The following ARSH variants were observed in gnomAD, a reference collection of about 807,000 sequenced individuals.
ARSH encodes the protein arylsulfatase family member H, also known as arylsulfatase H.
ARSH carries 32 observed loss-of-function variants against 28.7 expected under a neutral mutation model. That is an observed-to-expected ratio of 1.11 (90% CI 0.84 to 1.50). ARSH has a LOEUF of 1.50. Ranked by LOEUF, ARSH falls within the 40% of genes most tolerant of loss-of-function variation. The pLI is 0.00. For missense variants in ARSH, 440 were observed against 452.4 expected, an observed-to-expected ratio of 0.97 and a Z score of 0.25; for synonymous variants, 176 against 177.3, an observed-to-expected ratio of 0.99 and a Z score of 0.06.
intron 8 of ARSH, among the ~76,000 whole-genome samples, chrX:3,032,414 AAAGG>A (rs917854543): frequency 5.4e-4 from 54 of 99,339 alleles, no homozygotes; most frequent in East Asian, 1.5e-3. Flanking sequence ...GGAAGGAAGG[AAAGG>A]AAGGAAGGAA....
intron 1 of ARSH, among the ~76,000 whole-genome samples, chrX:3,008,776 G>A (rs1362234686): frequency 4.6e-5 from 5 of 108,709 alleles, no homozygotes; most frequent in Non-Finnish European, 7.6e-5. Flanking sequence ...TAGAGGTGGG[G>A]TTTTGCCATA....
intron 5 of ARSH, among the ~76,000 whole-genome samples, chrX:3,020,298 AAAAAAAAG>A (rs2089878484): frequency 2.0e-5 from 2 of 99,764 alleles, no homozygotes; most frequent in African/African-American, 7.2e-5. Flanking sequence ...AAAAAAAAAA[AAAAAAAAG>A]AGGCCGAGTG....
intron 5 of ARSH, among the ~76,000 whole-genome samples, chrX:3,022,106 A>G (rs2089886125): frequency 1.8e-5 from 2 of 111,055 alleles, no homozygotes; most frequent in African/African-American, 3.3e-5. Flanking sequence ...TAAGTGACCT[A>G]TTACCATTAG....
chrX:3,019,384 G>C (rs1262232750), intron 5 of ARSH, among the ~76,000 whole-genome samples: 3 of 111,647 alleles, frequency 2.7e-5, no homozygotes, highest in Non-Finnish European at 5.6e-5. Context: ...AATTGGGATG[G>C]GGATTTAACA....
At chrX:3,006,811 G>C (rs1173286629) in intron 1 of ARSH, 107 bp downstream of exon 1, 11 of 654,196 alleles carry the variant, frequency 1.7e-5, no homozygotes, top group Non-Finnish European at 2.3e-5. Context: ...GTCATTGTCT[G>C]ATGTTATCGG....
intron 1 of ARSH, among the ~76,000 whole-genome samples, chrX:3,008,967 C>T (rs998493552): frequency 6.3e-5 from 7 of 110,576 alleles, no homozygotes; most frequent in Non-Finnish European, 9.4e-5. Context: ...AGAACAGGCA[C>T]GTCTTTTTTT....
At chrX:3,013,977 T>G (rs949147299) in intron 3 of ARSH, among the ~76,000 whole-genome samples, 2 of 111,683 alleles carry the variant, frequency 1.8e-5, no homozygotes, top group African/African-American at 6.5e-5. Context: ...GGCTTCTGAA[T>G]AAATCTAGAT....
intron 8 of ARSH, among the ~76,000 whole-genome samples, chrX:3,032,804 A>G (rs766782248): frequency 8.9e-6 from 1 of 112,175 alleles, no homozygotes; most frequent in South Asian, 3.7e-4. Context: ...ATCTCCAAAT[A>G]TTCTCATGAC....
At chrX:3,023,734 C>A (rs1293441283) in intron 5 of ARSH, among the ~76,000 whole-genome samples, 1 of 105,565 alleles carries the variant, frequency 9.5e-6, no homozygotes, top group Admixed American at 1.1e-4. Context: ...ATTAGTAATT[C>A]AAATGTATAA....
intron 5 of ARSH, among the ~76,000 whole-genome samples, chrX:3,020,554 A>C (rs1212692974): frequency 2.3e-5 from 2 of 88,820 alleles, no homozygotes; most frequent in Admixed American, 1.5e-4. Flanking sequence ...GTGCCACTGC[A>C]CTCCAGCCTG....
intron 4 of ARSH, among the ~76,000 whole-genome samples, chrX:3,016,204 G>T (rs2089866040): frequency 9.2e-6 from 1 of 109,005 alleles, no homozygotes; most frequent in African/African-American, 3.4e-5. Context: ...TAGAAATGGG[G>T]TTTTGTCATA....
rs1178352010 is a variant in ARSH at position 3,006,773 on chromosome X, C to A, written c.92+69C>A. On this transcript the variant is annotated intron_variant, in intron 1 of 8. Coordinates refer to ENST00000381130, the MANE Select transcript of ARSH (RefSeq NM_001011719.2). ...CTTACCACAGTGTTCACGTCTTTGC[C>A]GTTGCAGAGAAGGGTTTCTGGAGAG... 1.3e-5 allele frequency: 12 copies of A among 903,437 alleles called. No homozygotes were observed. The East Asian group carries it at 3.5e-4, about 26-fold the overall frequency. The allele number at this position is 903,437 out of a possible 1,213,427, so 74.5% of individuals were successfully genotyped here. A position where few individuals can be genotyped will look rare whatever the true frequency, so the allele number is the denominator to read the frequency against.
At chrX:3,028,813 C>G (rs2089905587) in intron 7 of ARSH, among the ~76,000 whole-genome samples, 1 of 111,038 alleles carries the variant, frequency 9.0e-6, no homozygotes, top group African/African-American at 3.3e-5. Flanking sequence ...GGCGCCGTGG[C>G]TCACGCCTGT....
chrX:3,018,742 C>T, intron 5 of ARSH, 72 bp downstream of exon 5: 2 of 1,095,639 alleles, frequency 1.8e-6, no homozygotes, highest in Non-Finnish European at 2.5e-6. Context: ...TACTAACTGT[C>T]TCAAATTATG....
At chrX:3,012,240 C>T (rs1268494799) in intron 2 of ARSH, among the ~76,000 whole-genome samples, 1 of 109,316 alleles carries the variant, frequency 9.1e-6, no homozygotes, top group Non-Finnish European at 1.9e-5. Flanking sequence ...TATAAATCTA[C>T]ATAAAATTAT....
chrX:3,006,788 T>A (rs1218095933), intron 1 of ARSH, 84 bp downstream of exon 1: 3 of 810,220 alleles, frequency 3.7e-6, no homozygotes, highest in Non-Finnish European at 3.5e-6. Context: ...CAGAGAAGGG[T>A]TTCTGGAGAG....
chrX:3,032,778 C>G (rs1439942073), intron 8 of ARSH, among the ~76,000 whole-genome samples: 2 of 112,035 alleles, frequency 1.8e-5, no homozygotes, highest in African/African-American at 6.5e-5. Context: ...CTATTCCCAT[C>G]TGGGTCATCA....
rs745346474 is a variant in ARSH, at chrX:3,006,914, G to A, written c.92+210G>A. Among the ~76,000 whole-genome samples the A allele has an allele frequency of 9.9e-5, 11 of 110,960 alleles. No individual in the cohort carries two copies. In the South Asian group the frequency reaches 1.2e-3, roughly 12 times the overall value. On this transcript the variant is annotated intron_variant, in intron 1 of 8. Coordinates refer to ENST00000381130, the MANE Select transcript of ARSH (RefSeq NM_001011719.2). The stretch of plus-strand genomic sequence containing the variant: ...TTAGATTCTAGCTGTTGGTGGTGGC[G>A]TTTTCATTGTTGGGCAAAATTTACA...
In ARSH at chrX:3,029,336, A is replaced by G. The variant is rs749626444; in HGVS notation, c.1289A>G (p.Tyr430Cys). ...HEFLFHYCGV[Y>C]LHTVRWHQKD... The stretch of plus-strand genomic sequence containing the variant: ...TTCCTCTTCCACTACTGTGGGGTCT[A>G]TCTGCACACGGTCAGGTGGCATCAG... Residue 430 changes from tyrosine (Y) to cysteine (C), a missense_variant, in exon 8 of 9, where the codon TAT (tyrosine) becomes TGT (cysteine). Tyr to Cys is a radical substitution (Grantham distance 194, BLOSUM62 -2). Transcript: ENST00000381130. 24 of 1,210,729 alleles carry G rather than the reference A, an allele frequency of 2.0e-5. No individual in the cohort carries two copies. Among genetic ancestry groups the G allele is most frequent in the South Asian group, 3.5e-5 (2 of 56,775 alleles).
Sources: gnomAD v4.1 joint callset for allele counts (sites outside exome capture counted in the v4.1 genomes callset) on GRCh38, gnomAD v4.1.1 for gene constraint, MANE v1.5 for transcripts, NCBI Gene and HGNC (gene_info 2026-07-23, HGNC 2026-07-21) for gene names.